The following PDGFD variants were observed in gnomAD, a reference collection of about 807,000 sequenced individuals.
PDGFD encodes the protein platelet-derived growth factor D.
PDGFD carries 30 observed loss-of-function variants against 44.7 expected under a neutral mutation model. The observed-to-expected ratio is 0.67, with a 90% CI of 0.50 to 0.91. The LOEUF (loss-of-function observed/expected upper bound fraction) is 0.91, where lower values mean the gene tolerates loss of function less well. Among genes scored for constraint, PDGFD ranks in the 40% least tolerant of loss-of-function variants. The probability of loss-of-function intolerance (pLI) is 0.00; values close to 1 mark genes in which losing one functional copy is unlikely to be tolerated. For synonymous variants in PDGFD, 173 were observed against 168.4 expected (o/e 1.03, Z -0.21); for missense variants, 445 against 457.8 (o/e 0.97, Z 0.25).
At chr11:104,093,621 A>G (rs556040719) in intron 1 of PDGFD, among the ~76,000 whole-genome samples, 16 of 151,858 alleles carry the variant, frequency 1.1e-4, no homozygotes, top group Non-Finnish European at 2.2e-4. Context: ...CATACTTTTC[A>G]AACCCCCTCA....
intron 1 of PDGFD, among the ~76,000 whole-genome samples, chr11:104,152,334 G>A (rs1226815462): frequency 6.6e-6 from 1 of 152,052 alleles, no homozygotes; most frequent in Non-Finnish European, 1.5e-5. Context: ...CTTTGTTGAT[G>A]AAATTTCTAT....
chr11:103,996,568 C>T (rs373838721), intron 2 of PDGFD, among the ~76,000 whole-genome samples: 2 of 152,102 alleles, frequency 1.3e-5, no homozygotes, highest in African/African-American at 4.8e-5. Flanking sequence ...TAATTGCTGG[C>T]ATATTTTAGG....
At chr11:103,964,909 A>G (rs1286390473) in intron 3 of PDGFD, among the ~76,000 whole-genome samples, 1 of 151,854 alleles carries the variant, frequency 6.6e-6, no homozygotes, top group Non-Finnish European at 1.5e-5. Flanking sequence ...AGTCAGTATC[A>G]TTTCAGGTGA....
At chr11:104,017,348 GT>G (rs140935866) in intron 1 of PDGFD, among the ~76,000 whole-genome samples, 14,792 of 151,394 alleles carry the variant, frequency 0.098, 823 homozygotes, top group African/African-American at 0.16. Flanking sequence ...GTGTTTTTCC[GT>G]TTTTTTTGTT....
At chr11:104,057,110 C>A (rs1481559568) in intron 1 of PDGFD, among the ~76,000 whole-genome samples, 1 of 152,164 alleles carries the variant, frequency 6.6e-6, no homozygotes, top group Non-Finnish European at 1.5e-5. Flanking sequence ...CCTGGCGACA[C>A]AGCAAGACTT....
In PDGFD at chr11:104,106,746, C is replaced by CT. The variant is rs113183308; in HGVS notation, c.124+57057dup. On this transcript the variant is annotated intron_variant, in intron 1 of 6. Coordinates refer to ENST00000393158, the MANE Select transcript of PDGFD (RefSeq NM_025208.5). ...AGTGACCCACGCCTTTGTATGATGC[C>CT]TTTTTTTTTTTTTTCAAGTCAGAAT... Among the ~76,000 whole-genome samples, 518 of 140,040 alleles carry CT rather than the reference C, an allele frequency of 3.7e-3. 1 individual carries two copies. Among genetic ancestry groups the CT allele is most frequent in the Middle Eastern group, 0.011 (3 of 262 alleles). 91.9% of individuals were successfully genotyped at this position (140,040 alleles called of 152,430 possible). A position where few individuals can be genotyped will look rare whatever the true frequency, so the allele number is the denominator to read the frequency against.
At chr11:103,989,601 G>A (rs1859421400) in intron 3 of PDGFD, among the ~76,000 whole-genome samples, 1 of 152,152 alleles carries the variant, frequency 6.6e-6, no homozygotes, top group African/African-American at 2.4e-5. Context: ...CTGAAGCAAA[G>A]GAAAATTTGA....
chr11:104,078,331 C>T (rs2134426563), intron 1 of PDGFD, among the ~76,000 whole-genome samples: 1 of 152,272 alleles, frequency 6.6e-6, no homozygotes, highest in Admixed American at 6.5e-5. Flanking sequence ...TTGAGGCATG[C>T]TGGACAGGGT....
intron 4 of PDGFD, among the ~76,000 whole-genome samples, chr11:103,944,639 T>C (rs1858642475): frequency 2.0e-5 from 3 of 152,214 alleles, no homozygotes; most frequent in South Asian, 4.1e-4. Context: ...AAGATTTGAC[T>C]GTAGTATCTA....
At chr11:104,115,738 G>A (rs1357527874) in intron 1 of PDGFD, among the ~76,000 whole-genome samples, 1 of 152,064 alleles carries the variant, frequency 6.6e-6, no homozygotes, top group Non-Finnish European at 1.5e-5. Flanking sequence ...TCTTGTGGTA[G>A]TAAGCTGGTA....
intron 1 of PDGFD, among the ~76,000 whole-genome samples, chr11:104,071,937 G>A (rs1258234252): frequency 6.6e-6 from 1 of 151,368 alleles, no homozygotes; most frequent in Non-Finnish European, 1.5e-5. Flanking sequence ...TATTCCACTA[G>A]TCTATTTATA....
intron 1 of PDGFD, among the ~76,000 whole-genome samples, chr11:104,048,030 C>T (rs952539262): frequency 6.8e-6 from 1 of 147,852 alleles, no homozygotes; most frequent in Non-Finnish European, 1.5e-5. Flanking sequence ...CTAGTGCACA[C>T]TTTTGAGAGA....
At chr11:104,111,907 A>C (rs1302882184) in intron 1 of PDGFD, among the ~76,000 whole-genome samples, 1 of 152,182 alleles carries the variant, frequency 6.6e-6, no homozygotes, top group African/African-American at 2.4e-5. Flanking sequence ...GTAGCTTGTA[A>C]CCTGTATTGC....
chr11:104,023,977 T>A (rs565677939), intron 1 of PDGFD, among the ~76,000 whole-genome samples: 1 of 152,284 alleles, frequency 6.6e-6, no homozygotes, highest in African/African-American at 2.4e-5. Flanking sequence ...CTTGCATTAA[T>A]ATGATGCCAA....
chr11:104,056,226 C>G (rs1254793683), intron 1 of PDGFD, among the ~76,000 whole-genome samples: 1 of 152,056 alleles, frequency 6.6e-6, no homozygotes, highest in Non-Finnish European at 1.5e-5. Flanking sequence ...ATATTCTTTA[C>G]ATTGAACAAT....
chr11:103,931,300 A>AATTCATT (rs1858395624), intron 5 of PDGFD, among the ~76,000 whole-genome samples: 1 of 152,204 alleles, frequency 6.6e-6, no homozygotes, highest in Non-Finnish European at 1.5e-5. Flanking sequence ...TGAATACAAA[A>AATTCATT]ATTCATTATG....
chr11:104,084,838 G>GTATTATAAAATATAAATAAAAAAAATAAA (rs1861105201), intron 1 of PDGFD, among the ~76,000 whole-genome samples: 1 of 61,256 alleles, frequency 1.6e-5, no homozygotes, highest in African/African-American at 1.3e-4. Flanking sequence ...TAAAATATAT[G>GTATTATAAAATATAAATAAAAAAAATAAA]TAATGTATAT....
At chr11:103,984,998 A>G (rs374959430) in intron 3 of PDGFD, among the ~76,000 whole-genome samples, 2 of 39,430 alleles carry the variant, frequency 5.1e-5, no homozygotes, top group African/African-American at 9.2e-5. Context: ...TTAATTTAAT[A>G]TGTTATATTT....
chr11:104,063,377 G>C (rs1260874827), intron 1 of PDGFD, among the ~76,000 whole-genome samples: 2 of 151,718 alleles, frequency 1.3e-5, no homozygotes, highest in African/African-American at 4.8e-5. Context: ...ACAAGCAGAA[G>C]AGGAATTAAT....
Sources: gnomAD v4.1 joint callset for allele counts (sites outside exome capture counted in the v4.1 genomes callset) on GRCh38, gnomAD v4.1.1 for gene constraint, MANE v1.5 for transcripts, NCBI Gene and HGNC (gene_info 2026-07-23, HGNC 2026-07-21) for gene names.